EEFSEC: variants seen among roughly 807,000 people sequenced by gnomAD.
EEFSEC encodes selenocysteine-specific elongation factor.
EEFSEC carries 43 observed loss-of-function variants against 42.1 expected under a neutral mutation model. That is an observed-to-expected ratio of 1.02 (90% CI 0.80 to 1.32). The LOEUF is 1.32. EEFSEC is among the 40% of genes most tolerant of loss of function. EEFSEC has a pLI of 0.00. For synonymous variants in EEFSEC, 354 were observed against 339.1 expected, an observed-to-expected ratio of 1.04 and a Z score of -0.48; for missense variants, 745 against 803.6, an observed-to-expected ratio of 0.93 and a Z score of 0.88.
intron 2 of EEFSEC, among the ~76,000 whole-genome samples, chr3:128,252,739 C>A (rs2066200635): frequency 1.3e-5 from 2 of 152,036 alleles, no homozygotes; most frequent in Non-Finnish European, 2.9e-5. Context: ...ATATATTTAT[C>A]TGAAACTTTT....
intron 4 of EEFSEC, among the ~76,000 whole-genome samples, chr3:128,277,947 G>A (rs1399475063): frequency 1.3e-5 from 2 of 152,326 alleles, no homozygotes; most frequent in East Asian, 3.9e-4. Flanking sequence ...GTGGGAGAGA[G>A]CCTAATGTGT....
chr3:128,408,729 G>A (rs923244647), downstream of EEFSEC: 1 of 154,260 alleles, frequency 6.5e-6, no homozygotes, highest in African/African-American at 2.4e-5. Context: ...AATCCCAAGA[G>A]TTCCTGCCCA....
intron 4 of EEFSEC, among the ~76,000 whole-genome samples, chr3:128,272,077 A>G (rs1301184451): frequency 6.6e-6 from 1 of 152,146 alleles, no homozygotes; most frequent in Non-Finnish European, 1.5e-5. Context: ...AGACGTCTGG[A>G]TGTCATCAGG....
intron 1 of EEFSEC, among the ~76,000 whole-genome samples, chr3:128,194,264 C>G (rs1305963421): frequency 6.6e-6 from 1 of 152,192 alleles, no homozygotes; most frequent in East Asian, 1.9e-4. Context: ...ACACCACAGC[C>G]TTCCCAGCTG....
intron 4 of EEFSEC, among the ~76,000 whole-genome samples, chr3:128,316,210 T>C (rs952780374): frequency 6.6e-6 from 1 of 152,216 alleles, no homozygotes; most frequent in Non-Finnish European, 1.5e-5. Flanking sequence ...CACTATCAGG[T>C]AAAGTTAAAG....
intron 4 of EEFSEC, among the ~76,000 whole-genome samples, chr3:128,311,321 G>A (rs2066887540): frequency 6.6e-6 from 1 of 152,228 alleles, no homozygotes; most frequent in African/African-American, 2.4e-5. Flanking sequence ...TTCTGGGTCT[G>A]CCATTTTACT....
chr3:128,192,451 C>T lies in EEFSEC; in HGVS notation c.316+38628C>T, dbSNP rs180851969. Among the ~76,000 whole-genome samples the T allele has an allele frequency of 1.8e-4, 28 of 152,328 alleles. No homozygotes were observed. The East Asian group carries it at 4.4e-3, about 24-fold the overall frequency. ...GGTTCCGAGCTGGGCTCTTGAGCTT[C>T]AGCTGGCTGTTTCCTAATCACTTTC... is the stretch of plus-strand genomic sequence containing the variant. On this transcript the variant is annotated intron_variant, in intron 1 of 6. Coordinates refer to ENST00000254730, the MANE Select transcript of EEFSEC (RefSeq NM_021937.5).
chr3:128,421,916 A>G, the EEFSEC span, among the ~76,000 whole-genome samples: 2 of 152,204 alleles, frequency 1.3e-5, no homozygotes, highest in Non-Finnish European at 2.9e-5. Flanking sequence ...CTCCAGGGAC[A>G]GAGAGCTCCC....
At chr3:128,308,408 C>T (rs769385311) in intron 4 of EEFSEC, among the ~76,000 whole-genome samples, 2 of 152,188 alleles carry the variant, frequency 1.3e-5, no homozygotes, top group South Asian at 2.1e-4. Context: ...CTGTGTGCCA[C>T]GTGCTGAGCT....
intron 6 of EEFSEC, among the ~76,000 whole-genome samples, chr3:128,400,813 C>T (rs1318831162): frequency 2.6e-5 from 4 of 152,232 alleles, no homozygotes; most frequent in Non-Finnish European, 5.9e-5. Context: ...GTGCTTCCCG[C>T]ATTCTTCCCT....
At chr3:128,422,719 C>A in the EEFSEC span, among the ~76,000 whole-genome samples, 1 of 152,238 alleles carries the variant, frequency 6.6e-6, no homozygotes, top group African/African-American at 2.4e-5. Context: ...CTTGAAACAT[C>A]CCGTCCCCTG....
At chr3:128,215,618 A>G (rs1204751991) in intron 1 of EEFSEC, among the ~76,000 whole-genome samples, 2 of 152,202 alleles carry the variant, frequency 1.3e-5, no homozygotes, top group African/African-American at 4.8e-5. Context: ...GTATTAGTCT[A>G]TAATCTGTGG....
chr3:128,323,879 G>A (rs532314798), intron 4 of EEFSEC, among the ~76,000 whole-genome samples: 103 of 152,200 alleles, frequency 6.8e-4, no homozygotes, highest in Non-Finnish European at 1.2e-3. Flanking sequence ...GCAGAGTGAG[G>A]ATGCAGGATC....
intron 4 of EEFSEC, among the ~76,000 whole-genome samples, chr3:128,301,952 T>C (rs2066774135): frequency 1.3e-5 from 2 of 152,130 alleles, no homozygotes; most frequent in African/African-American, 4.8e-5. Flanking sequence ...GGGGGGCTAC[T>C]CAAAGTTACC....
chr3:128,193,505 C>T (rs892165750), intron 1 of EEFSEC, among the ~76,000 whole-genome samples: 8 of 152,190 alleles, frequency 5.3e-5, no homozygotes, highest in African/African-American at 9.6e-5. Flanking sequence ...TATCCAGTTA[C>T]GTAATTTTTT....
intron 1 of EEFSEC, among the ~76,000 whole-genome samples, chr3:128,180,351 C>T (rs985614583): frequency 3.3e-5 from 5 of 152,136 alleles, no homozygotes; most frequent in Admixed American, 2.6e-4. Context: ...AACAGCTATT[C>T]CTTTGACAAC....
chr3:128,213,692 C>CA (rs1417568189), intron 1 of EEFSEC, among the ~76,000 whole-genome samples: 1 of 151,844 alleles, frequency 6.6e-6, no homozygotes, highest in Non-Finnish European at 1.5e-5. Context: ...AGTGGACAGG[C>CA]ACATTAAGTT....
At chr3:128,224,229 C>G (rs780671665) in intron 1 of EEFSEC, among the ~76,000 whole-genome samples, 63 of 152,176 alleles carry the variant, frequency 4.1e-4, no homozygotes, top group Non-Finnish European at 7.1e-4. Context: ...TTTGGTAGTT[C>G]TGCTTCAGGA....
At chr3:128,340,408 TTATA>T (rs2067237586) in intron 4 of EEFSEC, among the ~76,000 whole-genome samples, 1 of 150,504 alleles carries the variant, frequency 6.6e-6, no homozygotes, top group Admixed American at 6.6e-5. Flanking sequence ...TGCATGTAAT[TTATA>T]TATTAATTTT....
Sources: gnomAD v4.1 joint callset for allele counts (sites outside exome capture counted in the v4.1 genomes callset) on GRCh38, gnomAD v4.1.1 for gene constraint, MANE v1.5 for transcripts, NCBI Gene and HGNC (gene_info 2026-07-23, HGNC 2026-07-21) for gene names.